JARID2: variants seen among roughly 807,000 people sequenced by gnomAD.
JARID2 encodes the protein protein Jumonji.
In JARID2, 21 loss-of-function variants were observed where a neutral mutation model predicts 125.6. That is an observed-to-expected ratio of 0.17 (90% CI 0.12 to 0.24). The LOEUF (loss-of-function observed/expected upper bound fraction) is 0.24, where lower values mean the gene tolerates loss of function less well. Ranked by LOEUF, JARID2 falls within the 10% of genes least tolerant of loss-of-function variation. JARID2 has a pLI of 1.00. For synonymous variants in JARID2, 736 were observed against 661.6 expected (o/e 1.11, Z -1.73); for missense variants, 1,303 against 1,639.6 (o/e 0.79, Z 3.55).
At chr6:15,446,951 T>G (rs1767696893) in intron 3 of JARID2, among the ~76,000 whole-genome samples, 1 of 152,134 alleles carries the variant, frequency 6.6e-6, no homozygotes, top group Non-Finnish European at 1.5e-5. Flanking sequence ...TGACCCAGGG[T>G]GGGTCTCACC....
At chr6:15,438,469 G>A (rs1322051170) in intron 3 of JARID2, among the ~76,000 whole-genome samples, 2 of 152,216 alleles carry the variant, frequency 1.3e-5, no homozygotes, top group Non-Finnish European at 2.9e-5. Context: ...GAATTGCAGA[G>A]CGTAGAAGGA....
At chr6:15,410,076 C>T (rs1242162768) in intron 2 of JARID2, 148 bp from the exon 3 acceptor site, 4 of 629,614 alleles carry the variant, frequency 6.4e-6, no homozygotes, top group South Asian at 3.6e-5. Flanking sequence ...TGCTTTTCTC[C>T]ACCCATTCAA....
intron 1 of JARID2, chr6:15,369,348 T>A (rs776010949): frequency 2.3e-6 from 1 of 440,032 alleles, no homozygotes; most frequent in South Asian, 1.7e-5. Flanking sequence ...GTTTGATTCC[T>A]GACCAATTGC....
chr6:15,505,085 C>G (rs1303581571), intron 9 of JARID2: 3 of 156,100 alleles, frequency 1.9e-5, no homozygotes, highest in Non-Finnish European at 4.3e-5. Context: ...ACTTCTGTGC[C>G]CAGACCAATT....
intron 2 of JARID2, among the ~76,000 whole-genome samples, chr6:15,398,857 C>G (rs144650251): frequency 9.7e-4 from 147 of 152,292 alleles, no homozygotes; most frequent in African/African-American, 3.4e-3. Flanking sequence ...ATACGTGATT[C>G]TGAAACTTCA....
chr6:15,286,444 G>T (rs939757256), intron 1 of JARID2, among the ~76,000 whole-genome samples: 2 of 151,464 alleles, frequency 1.3e-5, no homozygotes, highest in African/African-American at 4.8e-5. Flanking sequence ...TAGAGACGGG[G>T]TTTCACCATG....
At chr6:15,433,410 C>CTGTGTGTGTGTGTGTGTGTG (rs57296791) in intron 3 of JARID2, among the ~76,000 whole-genome samples, 54 of 143,424 alleles carry the variant, frequency 3.8e-4, no homozygotes, top group Non-Finnish European at 5.6e-4. Flanking sequence ...CCATGTCTCT[C>CTGTGTGTGTGTGTGTGTGTG]TGTGTGTGTG....
intron 1 of JARID2, among the ~76,000 whole-genome samples, chr6:15,325,654 T>C (rs763985513): frequency 2.6e-5 from 4 of 152,184 alleles, no homozygotes; most frequent in Non-Finnish European, 5.9e-5. Flanking sequence ...AATTCTTATT[T>C]ACCGCCATAG....
intron 2 of JARID2, among the ~76,000 whole-genome samples, chr6:15,396,546 G>T (rs11968404): frequency 6.6e-6 from 1 of 152,040 alleles, no homozygotes; most frequent in Non-Finnish European, 1.5e-5. Flanking sequence ...AATACCCTCC[G>T]TGTATGCCTG....
At chr6:15,500,087 C>T (rs574070792) in intron 7 of JARID2, among the ~76,000 whole-genome samples, 6 of 152,334 alleles carry the variant, frequency 3.9e-5, no homozygotes, top group African/African-American at 9.6e-5. Flanking sequence ...CCCCTACCCC[C>T]CTTCCTTTAT....
intron 2 of JARID2, among the ~76,000 whole-genome samples, chr6:15,374,562 G>GA (rs1356916927): frequency 6.6e-6 from 1 of 152,226 alleles, no homozygotes. Flanking sequence ...TGATCTTGCT[G>GA]AAATGTGGAG....
chr6:15,497,559 G>A (rs1367509226), intron 7 of JARID2, among the ~76,000 whole-genome samples: 1 of 151,840 alleles, frequency 6.6e-6, no homozygotes, highest in Non-Finnish European at 1.5e-5. Context: ...GCTGAGGCAG[G>A]AGAATGGCGT....
intron 1 of JARID2, among the ~76,000 whole-genome samples, chr6:15,373,907 T>C (rs989786468): frequency 1.3e-5 from 2 of 152,210 alleles, no homozygotes; most frequent in African/African-American, 4.8e-5. Flanking sequence ...GCTTTCATTC[T>C]TTTTAACAGC....
At chr6:15,287,611 C>T (rs904648190) in intron 1 of JARID2, among the ~76,000 whole-genome samples, 32 of 152,272 alleles carry the variant, frequency 2.1e-4, no homozygotes, top group Non-Finnish European at 4.0e-4. Context: ...GAATATGGGA[C>T]TGTTTCCCTA....
intron 3 of JARID2, among the ~76,000 whole-genome samples, chr6:15,411,808 A>G (rs559040233): frequency 6.6e-6 from 1 of 152,080 alleles, no homozygotes; most frequent in East Asian, 1.9e-4. Flanking sequence ...CTGGGCACCC[A>G]CTCCTTTAGC....
intron 5 of JARID2, among the ~76,000 whole-genome samples, chr6:15,479,761 G>GGT (rs1226836762): frequency 6.6e-6 from 1 of 152,194 alleles, no homozygotes; most frequent in African/African-American, 2.4e-5. Context: ...CTGGATGCAA[G>GGT]GTGATAATGG....
intron 1 of JARID2, among the ~76,000 whole-genome samples, chr6:15,311,349 G>A (rs1427632074): frequency 6.6e-6 from 1 of 152,144 alleles, no homozygotes; most frequent in Non-Finnish European, 1.5e-5. Context: ...AGGCCAAGGC[G>A]GGCTGATTAC....
intron 3 of JARID2, among the ~76,000 whole-genome samples, chr6:15,451,035 C>T (rs1024050640): frequency 3.9e-5 from 6 of 152,080 alleles, no homozygotes; most frequent in Admixed American, 2.6e-4. Flanking sequence ...TGGTGGTGCA[C>T]GCCTGTAATC....
At chr6:15,253,176 G>A (rs1016282879) in intron 1 of JARID2, among the ~76,000 whole-genome samples, 38 of 151,916 alleles carry the variant, frequency 2.5e-4, no homozygotes, top group African/African-American at 6.0e-4. Flanking sequence ...CTATTCTCCC[G>A]CCTCAGCCTC....
Sources: allele counts gnomAD v4.1 joint callset (sites outside exome capture counted in the v4.1 genomes callset), GRCh38; gene constraint gnomAD v4.1.1; transcripts MANE v1.5; gene names NCBI Gene and HGNC (gene_info 2026-07-23, HGNC 2026-07-21).